The following DGKB variants were observed in gnomAD, a reference collection of about 807,000 sequenced individuals.
DGKB encodes the protein 90 kDa diacylglycerol kinase.
DGKB carries 67 observed loss-of-function variants against 114.3 expected under a neutral mutation model. That is an observed-to-expected ratio of 0.59 (90% CI 0.48 to 0.72). DGKB has a LOEUF of 0.72. DGKB is among the 30% of genes least tolerant of loss of function. The pLI is 0.00. For synonymous variants in DGKB, 398 were observed against 323.1 expected, an observed-to-expected ratio of 1.23 and a Z score of -2.49; for missense variants, 907 against 975.2, an observed-to-expected ratio of 0.93 and a Z score of 0.93.
At chr7:14,274,981 G>A (rs150574759) in intron 23 of DGKB, among the ~76,000 whole-genome samples, 1 of 151,630 alleles carries the variant, frequency 6.6e-6, no homozygotes. Context: ...GTGTTTGTGT[G>A]TGCGTGTTAT....
In DGKB at chr7:14,145,923, T is replaced by C. The variant is rs1432370225; in HGVS notation, c.*3208A>G. On this transcript the variant is annotated 3_prime_UTR_variant, in exon 26 of 26. Transcript: ENST00000402815. ...CCTGAAAAATTGCAACTACTTCCCA[T>C]ATGCCTAAAAAACGAAAACAAAATA... The C allele has an allele frequency of 6.6e-6, 1 of 152,196 alleles. No individual in the cohort carries two copies. Among genetic ancestry groups the C allele is most frequent in the East Asian group, 1.9e-4 (1 of 5,196 alleles). The allele number at this position is 152,196 out of a possible 1,614,324, so 9.4% of individuals were successfully genotyped here.
At chr7:14,863,207 G>A (rs1851241315) in intron 1 of DGKB, among the ~76,000 whole-genome samples, 1 of 151,616 alleles carries the variant, frequency 6.6e-6, no homozygotes, top group Non-Finnish European at 1.5e-5. Flanking sequence ...TTGTAATTGT[G>A]TGTGTGTGAG....
intron 20 of DGKB, among the ~76,000 whole-genome samples, chr7:14,549,843 C>G (rs1205562694): frequency 6.6e-6 from 1 of 152,052 alleles, no homozygotes; most frequent in Non-Finnish European, 1.5e-5. Context: ...TAAAAATTAG[C>G]TGGGCGTGGT....
At chr7:14,479,352 C>A (rs546247112) in intron 20 of DGKB, among the ~76,000 whole-genome samples, 1 of 152,248 alleles carries the variant, frequency 6.6e-6, no homozygotes, top group South Asian at 2.1e-4. Context: ...CCAATGCCCA[C>A]TGCAGATGGC....
At chr7:14,331,805 T>C (rs952846504) in intron 23 of DGKB, among the ~76,000 whole-genome samples, 1 of 152,172 alleles carries the variant, frequency 6.6e-6, no homozygotes, top group Non-Finnish European at 1.5e-5. Context: ...ATTTGGTTTG[T>C]ATTGCTTTGT....
At chr7:14,433,566 C>A (rs112033000) in intron 21 of DGKB, among the ~76,000 whole-genome samples, 3 of 152,022 alleles carry the variant, frequency 2.0e-5, no homozygotes, top group Admixed American at 6.6e-5. Flanking sequence ...CTGAAAAAAA[C>A]CACTACATAA....
chr7:14,356,253 G>A (rs1293377359), intron 21 of DGKB, among the ~76,000 whole-genome samples: 3 of 151,416 alleles, frequency 2.0e-5, no homozygotes, highest in Non-Finnish European at 4.4e-5. Flanking sequence ...ATTTTTTGAG[G>A]GGTTTTTTGA....
At chr7:14,432,392 A>G (rs1828584604) in intron 21 of DGKB, among the ~76,000 whole-genome samples, 1 of 152,178 alleles carries the variant, frequency 6.6e-6, no homozygotes, top group Admixed American at 6.6e-5. Context: ...AATAGGCTGT[A>G]AACACCATCC....
At chr7:14,219,944 C>A (rs1789651183) in intron 23 of DGKB, among the ~76,000 whole-genome samples, 1 of 151,542 alleles carries the variant, frequency 6.6e-6, no homozygotes, top group African/African-American at 2.4e-5. Flanking sequence ...GTTAATTTTT[C>A]TATACAGTCA....
At chr7:14,333,484 C>G (rs979745515) in intron 23 of DGKB, among the ~76,000 whole-genome samples, 2 of 140,304 alleles carry the variant, frequency 1.4e-5, no homozygotes, top group East Asian at 4.2e-4. Context: ...AAAAAAAAAT[C>G]AATCTGTGAG....
At chr7:14,340,864 G>C (rs867569501) in intron 22 of DGKB, among the ~76,000 whole-genome samples, 1 of 151,764 alleles carries the variant, frequency 6.6e-6, no homozygotes, top group Non-Finnish European at 1.5e-5. Context: ...ACAGCAGGTA[G>C]TACACTAAGA....
chr7:14,958,477 C>CACACA (rs1562903995), intron 1 of DGKB, among the ~76,000 whole-genome samples: 4 of 84,782 alleles, frequency 4.7e-5, no homozygotes, highest in East Asian at 1.3e-3. Flanking sequence ...ACACACACAC[C>CACACA]CCGTCCAGGA....
Position 14,603,908 on chromosome 7 carries a change from T to A in DGKB, c.1433+3526A>T, listed in dbSNP as rs564367792. Among the ~76,000 whole-genome samples, 20 of 152,236 alleles carry A rather than the reference T, an allele frequency of 1.3e-4. No homozygotes were observed. In the East Asian group the frequency reaches 3.7e-3, roughly 28 times the overall value. The stretch of plus-strand genomic sequence containing the variant: ...AAGATTAGATTCAGAAGGGGAAAAG[T>A]AATGTCACAAGTATACAAAAAACTT... On this transcript the variant is annotated intron_variant, in intron 17 of 25. Coordinates refer to ENST00000402815, the MANE Select transcript of DGKB (RefSeq NM_001350709.2).
At chr7:14,765,670 G>A (rs910453480) in intron 2 of DGKB, among the ~76,000 whole-genome samples, 2 of 151,794 alleles carry the variant, frequency 1.3e-5, no homozygotes, top group Non-Finnish European at 2.9e-5. Context: ...CCAGACACTA[G>A]GAACCTATGA....
chr7:14,538,179 T>C (rs1792850300), intron 20 of DGKB, among the ~76,000 whole-genome samples: 1 of 150,982 alleles, frequency 6.6e-6, no homozygotes, highest in Non-Finnish European at 1.5e-5. Context: ...AATGGTACTC[T>C]ATGCAGTGGG....
intron 1 of DGKB, among the ~76,000 whole-genome samples, chr7:14,923,165 A>G (rs999578146): frequency 2.6e-5 from 4 of 152,074 alleles, no homozygotes; most frequent in African/African-American, 7.2e-5. Flanking sequence ...TCAAATTGTG[A>G]TTTTTTAGAA....
chr7:14,365,939 C>T (rs1816602763), intron 21 of DGKB, among the ~76,000 whole-genome samples: 1 of 152,018 alleles, frequency 6.6e-6, no homozygotes, highest in Non-Finnish European at 1.5e-5. Flanking sequence ...CAGGTGTGAA[C>T]CGTCTGCCCT....
intron 25 of DGKB, among the ~76,000 whole-genome samples, chr7:14,170,186 AAAGAAAGAAAGAAAGAAAT>A: frequency 6.8e-6 from 1 of 146,864 alleles, no homozygotes; most frequent in Admixed American, 6.9e-5. Flanking sequence ...AGAAAGAAAG[AAAGAAAGAAAGAAAGAAAT>A]ACATTAAGCC....
chr7:14,389,491 C>T (rs1025552805), intron 21 of DGKB, among the ~76,000 whole-genome samples: 9 of 152,146 alleles, frequency 5.9e-5, no homozygotes, highest in Non-Finnish European at 1.2e-4. Flanking sequence ...CGGCTCACAG[C>T]GAGCCATGGT....
Sources: gnomAD v4.1 joint callset for allele counts (sites outside exome capture counted in the v4.1 genomes callset) on GRCh38, gnomAD v4.1.1 for gene constraint, MANE v1.5 for transcripts, NCBI Gene and HGNC (gene_info 2026-07-23, HGNC 2026-07-21) for gene names.